The following MACF1 variants were observed in gnomAD, a reference collection of about 807,000 sequenced individuals.
The protein encoded by MACF1 is microtubule actin crosslinking factor 1, also known as microtubule-actin cross-linking factor 1.
In MACF1, 193 loss-of-function variants were observed where a neutral mutation model predicts 854.8. The ratio of observed to expected loss-of-function variants is 0.23; its 90% CI spans 0.20 to 0.25. The LOEUF (loss-of-function observed/expected upper bound fraction) is 0.25, where lower values mean the gene tolerates loss of function less well. Ranked by LOEUF, MACF1 falls within the 10% of genes least tolerant of loss-of-function variation. The probability of loss-of-function intolerance (pLI) is 1.00; values close to 1 mark genes in which losing one functional copy is unlikely to be tolerated. For synonymous variants in MACF1, 3,185 were observed against 3,226.7 expected, an observed-to-expected ratio of 0.99 and a Z score of 0.44; for missense variants, 7,722 against 8,929.1, an observed-to-expected ratio of 0.86 and a Z score of 5.45.
chr1:39,211,458 G>A (rs919385185), intron 1 of MACF1, among the ~76,000 whole-genome samples: 2 of 151,842 alleles, frequency 1.3e-5, no homozygotes, highest in Admixed American at 6.6e-5. Flanking sequence ...TATAGAGACC[G>A]GGTTTCTCCA....
chr1:39,205,267 A>AGTGT, intron 1 of MACF1, 136 bp downstream of exon 1: 1 of 636,014 alleles, frequency 1.6e-6, no homozygotes, highest in Non-Finnish European at 2.8e-6. Flanking sequence ...CAGACTTAAG[A>AGTGT]GTGTGTGTGT....
At chr1:39,258,846 A>G (rs1645125904) in intron 6 of MACF1, among the ~76,000 whole-genome samples, 1 of 152,224 alleles carries the variant, frequency 6.6e-6, no homozygotes. Flanking sequence ...CCTGCTGGTT[A>G]AAGATAGAAC....
At chr1:39,485,500 A>G (rs1645089565) in intron 100 of MACF1, 38 bp from the exon 101 acceptor site, 2 of 1,550,880 alleles carry the variant, frequency 1.3e-6, no homozygotes, top group Non-Finnish European at 1.7e-6. Context: ...ACCCCATGCC[A>G]TCTCTATTAA....
intron 3 of MACF1, among the ~76,000 whole-genome samples, chr1:39,251,639 G>T (rs924032480): frequency 1.2e-4 from 19 of 152,220 alleles, no homozygotes; most frequent in Admixed American, 8.5e-4. Flanking sequence ...AGGCTAAGGA[G>T]AATTGAAGAT....
chr1:39,251,608 T>A (rs1252576791), intron 3 of MACF1, among the ~76,000 whole-genome samples: 1 of 152,204 alleles, frequency 6.6e-6, no homozygotes, highest in South Asian at 2.1e-4. Context: ...ATAGTTGACT[T>A]AGAAAAGCAG....
At chr1:39,302,805 C>A in intron 22 of MACF1, 119 bp from the exon 23 acceptor site, 1 of 912,438 alleles carries the variant, frequency 1.1e-6, no homozygotes, top group Non-Finnish European at 1.6e-6. Context: ...TAAGTGATAG[C>A]AGATCTTTTC....
At chr1:39,422,635 T>C (rs1391387218) in intron 59 of MACF1, 95 bp from the exon 60 acceptor site, 6 of 1,537,710 alleles carry the variant, frequency 3.9e-6, no homozygotes, top group Non-Finnish European at 3.5e-6. Context: ...AATAAAAATT[T>C]AGCAGTTGCA....
chr1:39,480,848 G>T, intron 98 of MACF1, 72 bp from the exon 99 acceptor site: 6 of 746,242 alleles, frequency 8.0e-6, no homozygotes, highest in Admixed American at 2.4e-5. Context: ...ATTTTTTTCT[G>T]TTCCCAATGT....
chr1:39,096,702 A>G (rs113837104), intron 2 of MACF1, among the ~76,000 whole-genome samples: 4,355 of 152,080 alleles, frequency 0.029, 103 homozygotes, highest in Non-Finnish European at 0.045. Context: ...GCAGTGGCAC[A>G]ATTGTAGCTC....
intron 2 of MACF1, among the ~76,000 whole-genome samples, chr1:39,188,983 C>T (rs1303354534): frequency 1.3e-5 from 2 of 152,214 alleles, no homozygotes; most frequent in Non-Finnish European, 2.9e-5. Flanking sequence ...GGTGATCCAC[C>T]TGCTTCGGCC....
intron 99 of MACF1, among the ~76,000 whole-genome samples, chr1:39,484,165 TAAAA>T (rs915949963): frequency 5.9e-5 from 9 of 152,040 alleles, no homozygotes; most frequent in African/African-American, 9.7e-5. Flanking sequence ...AAAAATAAAA[TAAAA>T]AAAGATTGGA....
In MACF1 at chr1:39,097,814, G is replaced by A. The variant is rs113550032; in HGVS notation, c.220+13376G>A. Among the ~76,000 whole-genome samples the A allele has an allele frequency of 5.1e-3, 778 of 152,218 alleles. 5 individuals are homozygous for A. Among genetic ancestry groups the A allele is most frequent in the African/African-American group, 0.018 (734 of 41,542 alleles). On this transcript the variant is annotated intron_variant, in intron 2 of 93. Coordinates refer to the MACF1 transcript ENST00000361689. The stretch of plus-strand genomic sequence containing the variant: ...CCCTGATGCTGGTGAACTGCTTCAC[G>A]TGACTCTGATCTCAACTGAGAGCAT...
At chr1:39,187,886 C>CTCTCTCTCTCTG (rs1245836132) in intron 2 of MACF1, among the ~76,000 whole-genome samples, 1 of 16,568 alleles carries the variant, frequency 6.0e-5, no homozygotes, top group African/African-American at 1.3e-4. Flanking sequence ...CTCTCTGTCT[C>CTCTCTCTCTCTG]TCTCTCTCTC....
At chr1:39,130,412 A>G (rs1642969757) in intron 2 of MACF1, among the ~76,000 whole-genome samples, 1 of 152,076 alleles carries the variant, frequency 6.6e-6, no homozygotes, top group Non-Finnish European at 1.5e-5. Flanking sequence ...CTTGGTGGGG[A>G]GTTTTGGCCT....
chr1:39,445,595 A>G (rs1051240090), intron 80 of MACF1, among the ~76,000 whole-genome samples: 10 of 152,230 alleles, frequency 6.6e-5, no homozygotes, highest in African/African-American at 1.2e-4. Flanking sequence ...TTAATTTCCT[A>G]AAAACCTTCT....
intron 2 of MACF1, among the ~76,000 whole-genome samples, chr1:39,112,480 C>T (rs1175676287): frequency 3.9e-5 from 6 of 152,018 alleles, no homozygotes; most frequent in East Asian, 1.9e-4. Context: ...GCCAGGAGTT[C>T]GAGACCAGTC....
chr1:39,209,001 C>T (rs919272054), intron 1 of MACF1, among the ~76,000 whole-genome samples: 1 of 151,862 alleles, frequency 6.6e-6, no homozygotes, highest in African/African-American at 2.4e-5. Context: ...CCTGTAATCC[C>T]AGCACTTTGG....
chr1:39,410,430 C>G, intron 58 of MACF1: 2 of 1,613,942 alleles, frequency 1.2e-6, no homozygotes, highest in Non-Finnish European at 1.7e-6. Context: ...CAAAGCTTAA[C>G]CAGACTTCAA....
chr1:39,466,655 A>G (rs953082548), intron 95 of MACF1, among the ~76,000 whole-genome samples: 1 of 152,178 alleles, frequency 6.6e-6, no homozygotes, highest in Non-Finnish European at 1.5e-5. Flanking sequence ...AACCTCCCAC[A>G]GGGCTTCTCA....
Sources: allele counts gnomAD v4.1 joint callset (sites outside exome capture counted in the v4.1 genomes callset), GRCh38; gene constraint gnomAD v4.1.1; transcripts MANE v1.5; gene names NCBI Gene and HGNC (gene_info 2026-07-23, HGNC 2026-07-21).